Variants in TNFRSF10B observed in about 807,000 individuals in gnomAD.
TNFRSF10B encodes the protein TNF receptor superfamily member 10b.
Under a neutral mutation model 41.4 loss-of-function variants are expected in TNFRSF10B, and 35 were observed. That is an observed-to-expected ratio of 0.85 (90% CI 0.65 to 1.12). The LOEUF is 1.12. Among genes scored for constraint, TNFRSF10B ranks in the 50% most tolerant of loss-of-function variants. The pLI, the probability that TNFRSF10B is intolerant of heterozygous loss-of-function variation, is 0.00. For synonymous variants in TNFRSF10B, 230 were observed against 215.5 expected, an observed-to-expected ratio of 1.07 and a Z score of -0.59; for missense variants, 584 against 552.7, an observed-to-expected ratio of 1.06 and a Z score of -0.57.
chr8:23,026,995 C>A lies in TNFRSF10B; in HGVS notation c.936+138G>T, dbSNP rs149305533. 3.3e-4 allele frequency: 424 copies of A among 1,287,248 alleles called. 1 individual carries two copies. In the African/African-American group the frequency reaches 4.2e-3, roughly 13 times the overall value. 79.7% of individuals were successfully genotyped at this position (1,287,248 alleles called of 1,614,324 possible). Reference sequence around the variant, plus strand: ...GGTCACCACCTCAGTGCAGCTGCTCCATCCCCTGCAGTCCCCTGGCTCCTT... The same window carrying A: ...GGTCACCACCTCAGTGCAGCTGCTCAATCCCCTGCAGTCCCCTGGCTCCTT... On this transcript the variant is annotated intron_variant, in intron 7 of 8. Coordinates refer to ENST00000276431, the MANE Select transcript of TNFRSF10B (RefSeq NM_003842.5).
At chr8:23,059,199 A>G (rs1162312492) in intron 1 of TNFRSF10B, among the ~76,000 whole-genome samples, 1 of 152,212 alleles carries the variant, frequency 6.6e-6, no homozygotes, top group Non-Finnish European at 1.5e-5. Flanking sequence ...AAGGCTGAGT[A>G]ATACTCCATT....
At chr8:23,067,718 T>C (rs1331601555) in intron 1 of TNFRSF10B, among the ~76,000 whole-genome samples, 1 of 152,202 alleles carries the variant, frequency 6.6e-6, no homozygotes, top group Admixed American at 6.5e-5. Flanking sequence ...ATGAGGTGTG[T>C]AACAATATCC....
At chr8:23,053,942 C>G (rs1327218681) in intron 1 of TNFRSF10B, among the ~76,000 whole-genome samples, 6 of 152,102 alleles carry the variant, frequency 3.9e-5, no homozygotes, top group Non-Finnish European at 8.8e-5. Context: ...TGTATGTTAT[C>G]ATTAATAATT....
In TNFRSF10B at chr8:23,022,174, C is replaced by T. The variant is rs991773220; in HGVS notation, c.*497G>A. On this transcript the variant is annotated 3_prime_UTR_variant, in exon 9 of 9. Coordinates refer to ENST00000276431, the MANE Select transcript of TNFRSF10B (RefSeq NM_003842.5). ...ATTTGGATGGCTGAGGTGGGAGAAT[C>T]GCTTGAGCCTGAGAGGTCAAGGCTA... 3.6e-5 allele frequency: 16 copies of T among 448,976 alleles called. No homozygotes were observed. Among genetic ancestry groups the T allele is most frequent in the Admixed American group, 7.1e-5 (3 of 42,266 alleles). 27.8% of individuals were successfully genotyped at this position (448,976 alleles called of 1,614,324 possible).
At chr8:23,062,225 T>C (rs1298176679) in intron 1 of TNFRSF10B, among the ~76,000 whole-genome samples, 1 of 152,020 alleles carries the variant, frequency 6.6e-6, no homozygotes, top group African/African-American at 2.4e-5. Flanking sequence ...TTTTTTCTTT[T>C]TCTTTCTTTC....
chr8:23,055,200 G>T (rs1214495253), intron 1 of TNFRSF10B, among the ~76,000 whole-genome samples: 1 of 151,830 alleles, frequency 6.6e-6, no homozygotes, highest in Non-Finnish European at 1.5e-5. Flanking sequence ...TTAAAGCCCT[G>T]TGAACTGAAA....
At chr8:23,054,133 T>A (rs1185165272) in intron 1 of TNFRSF10B, among the ~76,000 whole-genome samples, 1 of 152,220 alleles carries the variant, frequency 6.6e-6, no homozygotes, top group African/African-American at 2.4e-5. Flanking sequence ...TAACAGGTGC[T>A]CTTGAATGCA....
At chr8:23,057,126 G>C (rs996118485) in intron 1 of TNFRSF10B, among the ~76,000 whole-genome samples, 4 of 148,076 alleles carry the variant, frequency 2.7e-5, no homozygotes, top group African/African-American at 5.1e-5. Flanking sequence ...TGCAAGCTCT[G>C]CGTCCCAGGT....
chr8:23,040,276 T>C lies in TNFRSF10B; in HGVS notation c.250+2862A>G, dbSNP rs11135690. Among the ~76,000 whole-genome samples, 12 of 32,926 alleles carry C rather than the reference T, an allele frequency of 3.6e-4. 5 individuals carry two copies. Among genetic ancestry groups the C allele is most frequent in the Non-Finnish European group, 1.3e-3 (12 of 8,990 alleles). 21.6% of individuals were successfully genotyped at this position (32,926 alleles called of 152,430 possible). A position where few individuals can be genotyped will look rare whatever the true frequency, so the allele number is the denominator to read the frequency against. ...AATATATATTTATTAAATATATATA[T>C]AATATATATTTATTAAATATATATA... On this transcript the variant is annotated intron_variant, in intron 2 of 8. Transcript: ENST00000276431.
Position 23,051,637 on chromosome 8 carries a change from C to T in TNFRSF10B, c.145-8394G>A, listed in dbSNP as rs899341771. Among the ~76,000 whole-genome samples, 13 of 151,968 alleles carry T rather than the reference C, an allele frequency of 8.6e-5. 1 individual carries two copies. The East Asian group carries it at 1.5e-3, about 18-fold the overall frequency. ...TCGGCTCACTGCAAGCTCTGCCTCC[C>T]GGGTTCACGCCATTCTCCTGCCTCA... On this transcript the variant is annotated intron_variant, in intron 1 of 8. Coordinates refer to ENST00000276431, the MANE Select transcript of TNFRSF10B (RefSeq NM_003842.5).
At chr8:23,053,314 C>T (rs28836005) in intron 1 of TNFRSF10B, among the ~76,000 whole-genome samples, 11,525 of 152,102 alleles carry the variant, frequency 0.076, 699 homozygotes, top group African/African-American at 0.17. Flanking sequence ...GAAAAGGTTG[C>T]TAAGAATTAA....
intron 1 of TNFRSF10B, among the ~76,000 whole-genome samples, chr8:23,054,698 C>T (rs1812611850): frequency 6.6e-6 from 1 of 152,134 alleles, no homozygotes; most frequent in African/African-American, 2.4e-5. Context: ...AAGAATGTCA[C>T]TTTCTGACAG....
chr8:23,055,423 T>C (rs996599126), intron 1 of TNFRSF10B, among the ~76,000 whole-genome samples: 2 of 151,274 alleles, frequency 1.3e-5, no homozygotes, highest in African/African-American at 2.4e-5. Context: ...ATGCGCAAAT[T>C]GACAGTGGGG....
chr8:23,046,587 AAAC>A (rs1402732836), intron 1 of TNFRSF10B, among the ~76,000 whole-genome samples: 57 of 150,052 alleles, frequency 3.8e-4, no homozygotes, highest in Non-Finnish European at 1.6e-4. Context: ...GAAATAGAGA[AAAC>A]AATCCTAAAA....
intron 1 of TNFRSF10B, among the ~76,000 whole-genome samples, chr8:23,065,215 A>G (rs995997302): frequency 1.8e-4 from 27 of 152,178 alleles, no homozygotes; most frequent in Non-Finnish European, 3.2e-4. Flanking sequence ...CTACCTGATG[A>G]ATGAATCACT....
intron 2 of TNFRSF10B, among the ~76,000 whole-genome samples, chr8:23,031,206 G>T (rs938129923): frequency 6.6e-6 from 1 of 151,518 alleles, no homozygotes; most frequent in African/African-American, 2.4e-5. Context: ...CTCCTGAGTA[G>T]CTGGGATTAC....
intron 6 of TNFRSF10B, 61 bp from the exon 7 acceptor site, chr8:23,027,349 G>A: frequency 2.5e-6 from 4 of 1,602,016 alleles, no homozygotes; most frequent in Non-Finnish European, 3.4e-6. Context: ...AGGGCTCGCT[G>A]CAGGGTCCTC....
At chr8:23,065,682 A>C (rs1812961194) in intron 1 of TNFRSF10B, among the ~76,000 whole-genome samples, 1 of 152,242 alleles carries the variant, frequency 6.6e-6, no homozygotes, top group African/African-American at 2.4e-5. Context: ...TGTAGATAAA[A>C]GCTAGTATCA....
rs550351366 is a variant in TNFRSF10B at position 23,036,791 on chromosome 8, C to G, written c.251-5919G>C. Among the ~76,000 whole-genome samples, 90 of 152,248 alleles carry G rather than the reference C, an allele frequency of 5.9e-4. 1 individual carries two copies. The highest frequency in any genetic ancestry group is 4.6e-3 in the South Asian group (22 of 4,822). On this transcript the variant is annotated intron_variant, in intron 2 of 8. Coordinates refer to ENST00000276431, the MANE Select transcript of TNFRSF10B (RefSeq NM_003842.5). ...CCGGGAGGCAGAGGTTGTAGTGAGC[C>G]GAGGTCGCCCCATTGCACTCTAGCC... is the stretch of plus-strand genomic sequence containing the variant.
Sources: gnomAD v4.1 joint callset for allele counts (sites outside exome capture counted in the v4.1 genomes callset) on GRCh38, gnomAD v4.1.1 for gene constraint, MANE v1.5 for transcripts, NCBI Gene and HGNC (gene_info 2026-07-23, HGNC 2026-07-21) for gene names.